Variants in ATE1 observed in about 807,000 individuals in gnomAD.
ATE1 encodes arginyl-tRNA--protein transferase 1.
ATE1 carries 36 observed loss-of-function variants against 70.5 expected under a neutral mutation model. The observed-to-expected ratio is 0.51, with a 90% CI of 0.39 to 0.67. ATE1 has a LOEUF of 0.67. Ranked by LOEUF, ATE1 falls within the 30% of genes least tolerant of loss-of-function variation. The probability of loss-of-function intolerance (pLI) is 0.00; values close to 1 mark genes in which losing one functional copy is unlikely to be tolerated. For missense variants in ATE1, 593 were observed against 629.5 expected (o/e 0.94, Z 0.62); for synonymous variants, 232 against 219.3 (o/e 1.06, Z -0.51).
chr10:121,763,463 G>A (rs1157884620), intron 11 of ATE1, among the ~76,000 whole-genome samples: 1 of 152,078 alleles, frequency 6.6e-6, no homozygotes, highest in East Asian at 1.9e-4. Context: ...AGATATGGGG[G>A]AACTTTAAAT....
chr10:121,816,917 GT>G (rs1947565250), intron 10 of ATE1, among the ~76,000 whole-genome samples: 1 of 152,148 alleles, frequency 6.6e-6, no homozygotes, highest in African/African-American at 2.4e-5. Context: ...AACTACAAAT[GT>G]TCTAAATTAT....
intron 11 of ATE1, among the ~76,000 whole-genome samples, chr10:121,778,564 CTTTTTTTTTTTTTTT>C (rs71022864): frequency 8.9e-4 from 51 of 57,196 alleles, no homozygotes; most frequent in African/African-American, 2.0e-3. Context: ...ATGTGGCCAG[CTTTTTTTTTTTTTTT>C]TTTTTTTTTT....
intron 8 of ATE1, among the ~76,000 whole-genome samples, chr10:121,851,574 G>A (rs886409423): frequency 2.7e-4 from 40 of 148,814 alleles, no homozygotes; most frequent in Non-Finnish European, 4.7e-4. Context: ...GTCAGTTTTT[G>A]TTTTTGTTTT....
At chr10:121,777,489 G>A (rs1945797265) in intron 11 of ATE1, among the ~76,000 whole-genome samples, 1 of 148,970 alleles carries the variant, frequency 6.7e-6, no homozygotes, top group African/African-American at 2.6e-5. Context: ...GACCGTAAGA[G>A]CTAAGGAGAT....
intron 10 of ATE1, among the ~76,000 whole-genome samples, chr10:121,817,413 C>T (rs1947595955): frequency 6.6e-6 from 1 of 152,096 alleles, no homozygotes; most frequent in Admixed American, 6.5e-5. Context: ...GTGGCGGGCG[C>T]CTGTAGTCCC....
intron 5 of ATE1, among the ~76,000 whole-genome samples, chr10:121,905,268 T>C (rs1181725326): frequency 6.6e-6 from 1 of 152,230 alleles, no homozygotes; most frequent in Non-Finnish European, 1.5e-5. Flanking sequence ...ATTATTTGTA[T>C]TACCAACATC....
intron 5 of ATE1, among the ~76,000 whole-genome samples, chr10:121,906,206 C>G (rs1951183092): frequency 6.6e-6 from 1 of 152,074 alleles, no homozygotes; most frequent in South Asian, 2.1e-4. Flanking sequence ...CCAGCCTGGG[C>G]AACATAGCAA....
At chr10:121,855,439 T>A (rs1949212369) in intron 8 of ATE1, among the ~76,000 whole-genome samples, 1 of 152,220 alleles carries the variant, frequency 6.6e-6, no homozygotes, top group African/African-American at 2.4e-5. Context: ...TGTATATTTG[T>A]GAGTTAATCA....
intron 10 of ATE1, among the ~76,000 whole-genome samples, chr10:121,817,272 G>T (rs1349157179): frequency 6.6e-6 from 1 of 152,192 alleles, no homozygotes; most frequent in Non-Finnish European, 1.5e-5. Context: ...CGGGCACAGC[G>T]GCTCACGCCT....
At chr10:121,812,367 G>T (rs1438808753) in intron 10 of ATE1, among the ~76,000 whole-genome samples, 1 of 151,984 alleles carries the variant, frequency 6.6e-6, no homozygotes, top group Non-Finnish European at 1.5e-5. Context: ...AAACAGATGG[G>T]AAGAAAATTT....
intron 11 of ATE1, among the ~76,000 whole-genome samples, chr10:121,785,119 TTTA>T (rs768520277): frequency 3.8e-4 from 58 of 152,302 alleles, no homozygotes; most frequent in Non-Finnish European, 6.2e-4. Context: ...AGAATATATG[TTTA>T]TTAAGTATTC....
chr10:121,819,521 G>A (rs1237715846), intron 10 of ATE1, among the ~76,000 whole-genome samples: 25 of 151,774 alleles, frequency 1.6e-4, no homozygotes, highest in African/African-American at 6.0e-4. Context: ...TGGCTAACAT[G>A]GTGAAACCCC....
chr10:121,891,034 G>A lies in ATE1; in HGVS notation c.942+8832C>T, dbSNP rs7086489. Among the ~76,000 whole-genome samples the A allele has an allele frequency of 5.8e-3, 878 of 152,212 alleles. 10 individuals are homozygous for A. Among genetic ancestry groups the A allele is most frequent in the African/African-American group, 0.02 (840 of 41,530 alleles). The stretch of plus-strand genomic sequence containing the variant: ...GGTATATACCCTGGTTCTTTGTCAC[G>A]GTCAATAAAGAATTCAGGACACAGA... On this transcript the variant is annotated intron_variant, in intron 7 of 11. Transcript: ENST00000224652.
intron 7 of ATE1, among the ~76,000 whole-genome samples, chr10:121,882,048 G>A (rs530668499): frequency 1.3e-5 from 2 of 152,138 alleles, no homozygotes; most frequent in South Asian, 2.1e-4. Context: ...CAGCCACCTC[G>A]GCCTCCCAAA....
intron 7 of ATE1, among the ~76,000 whole-genome samples, chr10:121,887,832 A>C (rs1470310913): frequency 2.0e-5 from 3 of 152,248 alleles, no homozygotes; most frequent in African/African-American, 4.8e-5. Context: ...GGAGTTGTGA[A>C]TACAGAGAGA....
chr10:121,900,208 A>G (rs1169655275), intron 6 of ATE1, among the ~76,000 whole-genome samples: 1 of 152,222 alleles, frequency 6.6e-6, no homozygotes, highest in African/African-American at 2.4e-5. Flanking sequence ...GATCCCCTCT[A>G]AACTATAAGC....
At chr10:121,832,904 TAAC>T (rs1299482982) in intron 10 of ATE1, among the ~76,000 whole-genome samples, 1 of 152,184 alleles carries the variant, frequency 6.6e-6, no homozygotes, top group African/African-American at 2.4e-5. Flanking sequence ...GAAGTCTGGT[TAAC>T]AACAAGAGCA....
intron 11 of ATE1, among the ~76,000 whole-genome samples, chr10:121,777,032 G>A (rs1945776266): frequency 6.6e-6 from 1 of 152,210 alleles, no homozygotes; most frequent in Non-Finnish European, 1.5e-5. Context: ...CTTTTAAGTA[G>A]TTTGATTCTC....
chr10:121,812,981 C>T (rs1398539928), intron 10 of ATE1, among the ~76,000 whole-genome samples: 2 of 152,224 alleles, frequency 1.3e-5, no homozygotes, highest in Non-Finnish European at 2.9e-5. Flanking sequence ...CTACAACTAA[C>T]ATTCTGTTTG....
Sources: allele counts gnomAD v4.1 joint callset (sites outside exome capture counted in the v4.1 genomes callset), GRCh38; gene constraint gnomAD v4.1.1; transcripts MANE v1.5; gene names NCBI Gene and HGNC (gene_info 2026-07-23, HGNC 2026-07-21).